FAM98B: variants seen among roughly 807,000 people sequenced by gnomAD.
FAM98B encodes tRNA-splicing ligase complex subunit FAM98B.
A neutral mutation model predicts 43.9 loss-of-function variants in FAM98B; 32 were observed. The observed-to-expected ratio is 0.73, with a 90% CI of 0.55 to 0.98. The LOEUF is 0.98. Ranked by LOEUF, FAM98B falls within the 50% of genes least tolerant of loss-of-function variation. The pLI is 0.00. For synonymous variants in FAM98B, 190 were observed against 174.0 expected (o/e 1.09, Z -0.72); for missense variants, 514 against 522.9 (o/e 0.98, Z 0.17).
At position 38,484,547 on chromosome 15, in the gene FAM98B, G is replaced by C; in HGVS notation, c.1190G>C (p.Gly397Ala). The change falls in exon 8 of 8, where the codon GGG (glycine) becomes GCG (alanine). Residue 397 changes from glycine to alanine, a missense_variant. Physicochemically the swap from Gly to Ala is moderately conservative, Grantham distance 60. Coordinates refer to ENST00000397609, the MANE Select transcript of FAM98B (RefSeq NM_173611.4). ...FQGRGDYGGR[G>A]GYGGRGGYGG... ...GGCAGGGGAGATTATGGTGGAAGAG[G>C]GGGTTATGGTGGAAGAGGGGGCTAT... 1.4e-6 allele frequency: 2 copies of C among 1,475,866 alleles called. No homozygotes were observed. The highest frequency in any genetic ancestry group is 1.8e-6 in the Non-Finnish European group (2 of 1,120,246). 91.4% of individuals were successfully genotyped at this position (1,475,866 alleles called of 1,614,324 possible).
At chr15:38,470,091 A>G in intron 3 of FAM98B, 136 bp from the exon 4 acceptor site, 1 of 731,530 alleles carries the variant, frequency 1.4e-6, no homozygotes, top group Non-Finnish European at 2.1e-6. Flanking sequence ...GTGTTCTACA[A>G]CTGTTGTTCT....
At chr15:38,458,311 T>G (rs1389712315) in intron 1 of FAM98B, among the ~76,000 whole-genome samples, 1 of 152,228 alleles carries the variant, frequency 6.6e-6, no homozygotes, top group East Asian at 1.9e-4. Context: ...GGCATACCCT[T>G]CCTTTTTCCT....
At chr15:38,456,286 C>A (rs937731559) in intron 1 of FAM98B, among the ~76,000 whole-genome samples, 7 of 152,174 alleles carry the variant, frequency 4.6e-5, no homozygotes, top group Non-Finnish European at 8.8e-5. Flanking sequence ...TAGTAGATCT[C>A]AACACTGGAA....
rs1890392684 is a variant in FAM98B at position 38,487,310 on chromosome 15, G to A, written c.*2651G>A. 6.6e-6 allele frequency: 1 copy of A among 152,082 alleles called. No individual in the cohort carries two copies. The highest frequency in any genetic ancestry group is 2.4e-5 in the African/African-American group (1 of 41,440). 9.4% of individuals were successfully genotyped at this position (152,082 alleles called of 1,614,324 possible). ...ATCTTATTACCTGTATCTGTGACAAGAGGAGGCATGACAACCTAAAAAAAA... is the reference window on the plus strand; with the variant it reads ...ATCTTATTACCTGTATCTGTGACAAAAGGAGGCATGACAACCTAAAAAAAA... On this transcript the variant is annotated 3_prime_UTR_variant, in exon 8 of 8. Transcript: ENST00000397609.
At chr15:38,465,856 A>C (rs1890023930) in intron 3 of FAM98B, among the ~76,000 whole-genome samples, 1 of 152,106 alleles carries the variant, frequency 6.6e-6, no homozygotes, top group South Asian at 2.1e-4. Context: ...TTTAAAAAAT[A>C]TAAAATTTGT....
At chr15:38,454,581 C>T (rs1353597321) in intron 1 of FAM98B, among the ~76,000 whole-genome samples, 2 of 152,182 alleles carry the variant, frequency 1.3e-5, no homozygotes, top group Non-Finnish European at 2.9e-5. Flanking sequence ...AGTTCTGGCG[C>T]CCGGAGGGAG....
intron 6 of FAM98B, among the ~76,000 whole-genome samples, chr15:38,480,656 A>C (rs1890268634): frequency 6.6e-6 from 1 of 152,180 alleles, no homozygotes; most frequent in African/African-American, 2.4e-5. Context: ...TAAAGAAATA[A>C]TGCCTTACTA....
At chr15:38,478,429 A>G (rs1261789393) in intron 6 of FAM98B, among the ~76,000 whole-genome samples, 1 of 152,056 alleles carries the variant, frequency 6.6e-6, no homozygotes, top group African/African-American at 2.4e-5. Flanking sequence ...TTTGTATACT[A>G]AGTTTTCTTG....
intron 6 of FAM98B, 124 bp downstream of exon 6, chr15:38,474,422 C>A: frequency 1.7e-6 from 1 of 588,944 alleles, no homozygotes; most frequent in East Asian, 2.6e-5. Flanking sequence ...CATGCCCAGG[C>A]CAACTACTGG....
At chr15:38,463,822 A>C (rs1018311670) in intron 1 of FAM98B, among the ~76,000 whole-genome samples, 1 of 152,208 alleles carries the variant, frequency 6.6e-6, no homozygotes, top group African/African-American at 2.4e-5. Flanking sequence ...TTAGAAGGCC[A>C]TGTAGTCATC....
intron 7 of FAM98B, chr15:38,483,034 TG>T (rs1026043659): frequency 6.6e-6 from 1 of 152,208 alleles, no homozygotes; most frequent in Non-Finnish European, 1.5e-5. Context: ...CAGTGATACC[TG>T]GAATTATAGT....
chr15:38,484,560 A>G lies in FAM98B; in HGVS notation c.1203A>G (p.Gly401=), dbSNP rs1482960822. ...GDYGGRGGYG[G]RGGYGGRGYG... ...ATGGTGGAAGAGGGGGTTATGGTGG[A>G]AGAGGGGGCTATGGTGGAAGAGGCT... The change falls in exon 8 of 8, where the codon GGA becomes GGG. Residue 401 remains glycine, a synonymous_variant. Coordinates refer to ENST00000397609, the MANE Select transcript of FAM98B (RefSeq NM_173611.4). 5.2e-6 allele frequency: 7 copies of G among 1,340,828 alleles called. No homozygotes were observed. In the African/African-American group the frequency reaches 1.1e-4, roughly 20 times the overall value. The allele number at this position is 1,340,828 out of a possible 1,614,324, so 83.1% of individuals were successfully genotyped here.
intron 1 of FAM98B, chr15:38,459,297 G>A (rs981240665): frequency 8.0e-6 from 4 of 496,922 alleles, no homozygotes; most frequent in Admixed American, 2.0e-5. Flanking sequence ...CCTGGGATCC[G>A]ATAAAACTGG....
intron 1 of FAM98B, chr15:38,459,497 G>A (rs557083416): frequency 1.2e-5 from 4 of 331,164 alleles, no homozygotes; most frequent in Non-Finnish European, 2.4e-5. Context: ...TGAGCACCAG[G>A]GCATCTTCCC....
chr15:38,478,873 A>G (rs1416206408), intron 6 of FAM98B, among the ~76,000 whole-genome samples: 1 of 152,140 alleles, frequency 6.6e-6, no homozygotes, highest in African/African-American at 2.4e-5. Flanking sequence ...TATTGTAACC[A>G]TTTTCCAATA....
At chr15:38,464,951 A>G (rs1019656747) in intron 2 of FAM98B, among the ~76,000 whole-genome samples, 1 of 152,190 alleles carries the variant, frequency 6.6e-6, no homozygotes, top group Non-Finnish European at 1.5e-5. Context: ...AATTCTAAAC[A>G]TATAACACGA....
chr15:38,484,437 G>T lies in FAM98B; in HGVS notation c.1080G>T (p.Gly360=). 1 of 836,152 alleles carries T rather than the reference G, an allele frequency of 1.2e-6. No individual in the cohort carries two copies. The highest frequency in any genetic ancestry group is 1.4e-6 in the Non-Finnish European group (1 of 702,568). 51.8% of individuals were successfully genotyped at this position (836,152 alleles called of 1,614,324 possible). A position where few individuals can be genotyped will look rare whatever the true frequency, so the allele number is the denominator to read the frequency against. Residue 360 remains glycine (G), a synonymous_variant, in exon 8 of 8, where the codon GGG becomes GGT. Coordinates refer to ENST00000397609, the MANE Select transcript of FAM98B (RefSeq NM_173611.4). ...GGGGGGRGGW[G]GGGGGWGGGG... is the part of the protein sequence containing the mutation. ...GTGGGGGTGGGAGAGGTGGCTGGGGGGGTGGAGGAGGAGGTTGGGGAGGTG... is the reference window on the plus strand; with the variant it reads ...GTGGGGGTGGGAGAGGTGGCTGGGGTGGTGGAGGAGGAGGTTGGGGAGGTG...
At position 38,485,632 on chromosome 15, in the gene FAM98B, A is replaced by C. The variant is rs61047925; in HGVS notation, c.*973A>C. On this transcript the variant is annotated 3_prime_UTR_variant, in exon 8 of 8. Transcript: ENST00000397609. ...TGGAGCAGTCAAAGTCTTAGCTATC[A>C]AGAGTTGTGAATTTGAATCATGGCA... is the stretch of plus-strand genomic sequence containing the variant. The C allele has an allele frequency of 0.074, 11,214 of 152,242 alleles. 556 individuals carry two copies. The highest frequency in any genetic ancestry group is 0.17 in the East Asian group (879 of 5,174). 9.4% of individuals were successfully genotyped at this position (152,242 alleles called of 1,614,324 possible).
Position 38,473,361 on chromosome 15 carries a change from G to A in FAM98B, c.532-144G>A, listed in dbSNP as rs2141058580. ...TGAAAAAGATACTCTGTATTGTAGT[G>A]GTATTCTGGTATATGATGGTATATT... On this transcript the variant is annotated intron_variant, in intron 4 of 7. Transcript: ENST00000397609. 7.1e-6 allele frequency: 4 copies of A among 562,884 alleles called. No individual in the cohort carries two copies. In the East Asian group the frequency reaches 1.3e-4, roughly 18 times the overall value. 34.9% of individuals were successfully genotyped at this position (562,884 alleles called of 1,614,324 possible).
Sources: allele counts gnomAD v4.1 joint callset (sites outside exome capture counted in the v4.1 genomes callset), GRCh38; gene constraint gnomAD v4.1.1; transcripts MANE v1.5; gene names NCBI Gene and HGNC (gene_info 2026-07-23, HGNC 2026-07-21).